MRAP2: variants seen among roughly 807,000 people sequenced by gnomAD.
The protein encoded by MRAP2 is melanocortin 2 receptor accessory protein 2, also known as melanocortin-2 receptor accessory protein 2.
A neutral mutation model predicts 17.4 loss-of-function variants in MRAP2; 20 were observed. The observed-to-expected ratio is 1.15, with a 90% CI of 0.81 to 1.67. MRAP2 has a LOEUF of 1.67. Ranked by LOEUF, MRAP2 falls within the 40% of genes most tolerant of loss-of-function variation. The pLI is 0.00. For synonymous variants in MRAP2, 96 were observed against 88.4 expected, an observed-to-expected ratio of 1.09 and a Z score of -0.48; for missense variants, 238 against 240.0, an observed-to-expected ratio of 0.99 and a Z score of 0.05.
At chr6:84,038,660 T>C (rs910532482) in intron 1 of MRAP2, among the ~76,000 whole-genome samples, 3 of 151,940 alleles carry the variant, frequency 2.0e-5, no homozygotes, top group African/African-American at 7.3e-5. Flanking sequence ...CCCAGCTAAT[T>C]AAAAAAACTT....
At chr6:84,141,031 T>C in the MRAP2 span, among the ~76,000 whole-genome samples, 1 of 152,156 alleles carries the variant, frequency 6.6e-6, no homozygotes, top group Non-Finnish European at 1.5e-5. Flanking sequence ...AGTTCACAAT[T>C]GGGTTCACGC....
chr6:84,046,104 A>T (rs2099488949), intron 1 of MRAP2, among the ~76,000 whole-genome samples: 1 of 152,226 alleles, frequency 6.6e-6, no homozygotes, highest in African/African-American at 2.4e-5. Context: ...TCAGACTGCT[A>T]GCCCTCCTGT....
chr6:84,051,220 T>C (rs1030606168), intron 1 of MRAP2, among the ~76,000 whole-genome samples: 1 of 152,198 alleles, frequency 6.6e-6, no homozygotes, highest in Admixed American at 6.5e-5. Flanking sequence ...GTACATCTCC[T>C]CAAATTCAGG....
intron 3 of MRAP2, 166 bp downstream of exon 3, chr6:84,063,158 T>C: frequency 1.0e-6 from 1 of 985,450 alleles, no homozygotes; most frequent in Non-Finnish European, 1.2e-6. Context: ...GCTATTCTCC[T>C]GGCTTTTTGT....
chr6:84,114,891 A>G, the MRAP2 span, among the ~76,000 whole-genome samples: 14 of 152,148 alleles, frequency 9.2e-5, no homozygotes, highest in African/African-American at 3.1e-4. Flanking sequence ...TTTCCTGGGT[A>G]TCACCAGCAG....
At chr6:84,068,117 A>G (rs557090924) in intron 3 of MRAP2, among the ~76,000 whole-genome samples, 13 of 152,244 alleles carry the variant, frequency 8.5e-5, no homozygotes, top group African/African-American at 2.9e-4. Context: ...TGGCTAGCCA[A>G]TTATCCCAGC....
At chr6:84,125,313 C>A in the MRAP2 span, 2 of 1,563,774 alleles carry the variant, frequency 1.3e-6, no homozygotes, top group South Asian at 2.2e-5. Flanking sequence ...TGTTATAGTT[C>A]ATAGTGGTGG....
At chr6:84,053,104 G>A (rs566690446) in intron 1 of MRAP2, among the ~76,000 whole-genome samples, 6 of 152,276 alleles carry the variant, frequency 3.9e-5, no homozygotes, top group South Asian at 2.1e-4. Context: ...GGTCCCCACC[G>A]TGTGCTGACA....
At chr6:84,119,894 T>A in the MRAP2 span, among the ~76,000 whole-genome samples, 1 of 152,204 alleles carries the variant, frequency 6.6e-6, no homozygotes, top group African/African-American at 2.4e-5. Context: ...AAAAGTTCTG[T>A]TCCTCTAGCA....
chr6:84,064,632 CA>C (rs1257072813), intron 3 of MRAP2, among the ~76,000 whole-genome samples: 4 of 152,146 alleles, frequency 2.6e-5, no homozygotes, highest in Non-Finnish European at 5.9e-5. Context: ...GGACTACAGG[CA>C]CCCACCACCA....
At chr6:84,076,032 T>C (rs2099497502) in intron 3 of MRAP2, among the ~76,000 whole-genome samples, 1 of 152,148 alleles carries the variant, frequency 6.6e-6, no homozygotes, top group Admixed American at 6.5e-5. Context: ...TTTATGTGTC[T>C]GGTTCAGTCT....
At chr6:84,100,876 A>G in the MRAP2 span, among the ~76,000 whole-genome samples, 1 of 152,128 alleles carries the variant, frequency 6.6e-6, no homozygotes, top group Non-Finnish European at 1.5e-5. Context: ...GCCCTGTATT[A>G]AGAGAGACCT....
chr6:84,124,023 C>T, the MRAP2 span, among the ~76,000 whole-genome samples: 1 of 152,056 alleles, frequency 6.6e-6, no homozygotes, highest in East Asian at 1.9e-4. Context: ...CCATCTTATA[C>T]CAGTCACAAT....
chr6:84,040,208 G>A (rs549126427), intron 1 of MRAP2, among the ~76,000 whole-genome samples: 2 of 152,292 alleles, frequency 1.3e-5, no homozygotes, highest in South Asian at 4.2e-4. Context: ...TCTCCTTGCT[G>A]CCGCTATGTA....
the MRAP2 span, among the ~76,000 whole-genome samples, chr6:84,141,582 C>T: frequency 6.6e-6 from 1 of 152,288 alleles, no homozygotes; most frequent in East Asian, 1.9e-4. Flanking sequence ...ACTCCTCCAA[C>T]TTCCCCAGGA....
chr6:84,086,206 A>G (rs772272380), intron 3 of MRAP2, among the ~76,000 whole-genome samples: 5 of 152,236 alleles, frequency 3.3e-5, no homozygotes, highest in Non-Finnish European at 7.3e-5. Flanking sequence ...GAAGTAAAAG[A>G]AGACAAAGTT....
At chr6:84,110,682 A>T in the MRAP2 span, among the ~76,000 whole-genome samples, 4 of 152,170 alleles carry the variant, frequency 2.6e-5, no homozygotes, top group Admixed American at 2.6e-4. Context: ...GCCCATGCCT[A>T]TGTCCTGAAT....
In MRAP2 at chr6:84,089,813, T is replaced by TC. The variant is rs2099501418; in HGVS notation, c.*332_*333insC. ...AAACTTTATTAAAACATGAGTTTTG[T>TC]TTTTTTTTTTGCTATTTTTTTTAAA... On this transcript the variant is annotated 3_prime_UTR_variant, in exon 4 of 4. Coordinates refer to ENST00000257776, the MANE Select transcript of MRAP2 (RefSeq NM_138409.4). 7.2e-6 allele frequency: 1 copy of TC among 138,174 alleles called. No individual in the cohort carries two copies. 8.6% of individuals were successfully genotyped at this position (138,174 alleles called of 1,614,324 possible).
At chr6:84,136,945 A>G in the MRAP2 span, among the ~76,000 whole-genome samples, 1 of 152,206 alleles carries the variant, frequency 6.6e-6, no homozygotes, top group African/African-American at 2.4e-5. Flanking sequence ...ATGAACTGAA[A>G]TACTTCATAG....
Sources: gnomAD v4.1 joint callset for allele counts (sites outside exome capture counted in the v4.1 genomes callset) on GRCh38, gnomAD v4.1.1 for gene constraint, MANE v1.5 for transcripts, NCBI Gene and HGNC (gene_info 2026-07-23, HGNC 2026-07-21) for gene names.